The following THSD7B variants were observed in gnomAD, a reference collection of about 807,000 sequenced individuals.
THSD7B encodes the protein thrombospondin type-1 domain-containing protein 7B.
A neutral mutation model predicts 213.6 loss-of-function variants in THSD7B; 138 were observed. The observed-to-expected ratio is 0.65, with a 90% CI of 0.56 to 0.74. THSD7B has a LOEUF of 0.74. THSD7B is among the 30% of genes least tolerant of loss of function. The probability of loss-of-function intolerance (pLI) is 0.00; values close to 1 mark genes in which losing one functional copy is unlikely to be tolerated. For synonymous variants in THSD7B, 742 were observed against 687.0 expected, an observed-to-expected ratio of 1.08 and a Z score of -1.25; for missense variants, 1,931 against 1,991.5, an observed-to-expected ratio of 0.97 and a Z score of 0.58.
intron 9 of THSD7B, among the ~76,000 whole-genome samples, chr2:137,236,582 G>T (rs17418745): frequency 1.3e-5 from 2 of 152,024 alleles, no homozygotes; most frequent in African/African-American, 4.8e-5. Flanking sequence ...GCCTTTCAAA[G>T]TTCCTGATAA....
rs534194434 is a variant in THSD7B, at chr2:136,878,796, T to A, written c.-35-3348T>A. 7.1e-3 allele frequency among the ~76,000 whole-genome samples: 1,076 copies of A among 152,246 alleles called. 6 individuals carry two copies. Among genetic ancestry groups the A allele is most frequent in the Middle Eastern group, 0.024 (7 of 294 alleles). On this transcript the variant is annotated intron_variant, in intron 1 of 27. Coordinates refer to ENST00000409968, the MANE Select transcript of THSD7B (RefSeq NM_001316349.2). The stretch of plus-strand genomic sequence containing the variant: ...TTTTCTTGTAAATTTGTTTGAGTTC[T>A]TTGTAGATTCTGGATATTAGCCCTT...
chr2:136,986,298 A>C (rs990825379), intron 2 of THSD7B, among the ~76,000 whole-genome samples: 2 of 152,194 alleles, frequency 1.3e-5, no homozygotes, highest in African/African-American at 4.8e-5. Flanking sequence ...TGTCCCCTCC[A>C]AATCTCATGT....
chr2:137,254,282 T>G (rs1477658806), intron 10 of THSD7B, among the ~76,000 whole-genome samples: 1 of 152,242 alleles, frequency 6.6e-6, no homozygotes, highest in Non-Finnish European at 1.5e-5. Context: ...TTTGAAATCT[T>G]TCCAAGTTAG....
chr2:137,155,652 T>C (rs1274533148), intron 5 of THSD7B, among the ~76,000 whole-genome samples: 1 of 152,186 alleles, frequency 6.6e-6, no homozygotes, highest in Non-Finnish European at 1.5e-5. Flanking sequence ...TTAAAAAGTA[T>C]GATAGTCATT....
intron 7 of THSD7B, among the ~76,000 whole-genome samples, chr2:137,185,586 C>T (rs902547690): frequency 2.4e-4 from 37 of 152,084 alleles, no homozygotes; most frequent in African/African-American, 7.5e-4. Flanking sequence ...TCCTTTTATA[C>T]GGCTGCATAG....
chr2:136,974,764 G>A (rs998778726), intron 2 of THSD7B, among the ~76,000 whole-genome samples: 2 of 152,154 alleles, frequency 1.3e-5, no homozygotes, highest in Non-Finnish European at 2.9e-5. Context: ...AGGTCTTTGA[G>A]GAATCGCCAT....
chr2:136,943,033 C>T (rs910494511), intron 2 of THSD7B, among the ~76,000 whole-genome samples: 9 of 152,136 alleles, frequency 5.9e-5, no homozygotes, highest in African/African-American at 2.2e-4. Context: ...CCATCAATAC[C>T]TAGCTTATTG....
chr2:137,042,603 G>A (rs1034318893), intron 2 of THSD7B, among the ~76,000 whole-genome samples: 1 of 152,150 alleles, frequency 6.6e-6, no homozygotes, highest in Non-Finnish European at 1.5e-5. Context: ...ACTAAACTCA[G>A]AGGGTACAGT....
intron 7 of THSD7B, among the ~76,000 whole-genome samples, chr2:137,176,726 G>C (rs34736580): frequency 6.6e-6 from 1 of 152,114 alleles, no homozygotes; most frequent in Admixed American, 6.6e-5. Flanking sequence ...GCAACCCCAG[G>C]GAGCAGTCTT....
At chr2:136,828,893 A>C (rs931347262) in intron 1 of THSD7B, among the ~76,000 whole-genome samples, 1 of 152,178 alleles carries the variant, frequency 6.6e-6, no homozygotes, top group African/African-American at 2.4e-5. Context: ...GTCTTCTGCT[A>C]AACTGTAAGC....
intron 12 of THSD7B, among the ~76,000 whole-genome samples, chr2:137,303,741 T>C (rs1306223328): frequency 2.3e-5 from 3 of 129,760 alleles, no homozygotes; most frequent in African/African-American, 3.3e-5. Flanking sequence ...TATATATATT[T>C]ATATATATAT....
intron 14 of THSD7B, among the ~76,000 whole-genome samples, chr2:137,441,955 T>C (rs1558798348): frequency 6.6e-6 from 1 of 152,116 alleles, no homozygotes; most frequent in African/African-American, 2.4e-5. Context: ...TTAGTAGCAG[T>C]AAAATGTTAG....
At chr2:137,662,141 C>A (rs1399581707) in intron 25 of THSD7B, among the ~76,000 whole-genome samples, 1 of 149,400 alleles carries the variant, frequency 6.7e-6, no homozygotes. Flanking sequence ...TGGCTCACTG[C>A]AACCACCGCC....
intron 15 of THSD7B, among the ~76,000 whole-genome samples, chr2:137,496,477 TTG>T (rs1318623697): frequency 1.3e-5 from 2 of 152,172 alleles, no homozygotes; most frequent in Non-Finnish European, 2.9e-5. Context: ...CCTTTTTGTT[TTG>T]TGTGCATTTT....
intron 2 of THSD7B, among the ~76,000 whole-genome samples, chr2:137,024,175 C>A (rs1686500565): frequency 6.6e-6 from 1 of 152,164 alleles, no homozygotes; most frequent in Non-Finnish European, 1.5e-5. Context: ...TTCTGTTTCT[C>A]TGTAGGTAAC....
intron 15 of THSD7B, among the ~76,000 whole-genome samples, chr2:137,489,431 GAAAAAAAAGAAAA>G (rs1688556769): frequency 6.8e-6 from 1 of 146,014 alleles, no homozygotes; most frequent in Admixed American, 6.8e-5. Context: ...AAAAAAAAAA[GAAAAAAAAGAAAA>G]AAAAAATTAG....
At chr2:137,383,583 A>C (rs1685826707) in intron 12 of THSD7B, among the ~76,000 whole-genome samples, 1 of 152,202 alleles carries the variant, frequency 6.6e-6, no homozygotes, top group Non-Finnish European at 1.5e-5. Context: ...GTAACTCCAC[A>C]CATTATGTAA....
intron 2 of THSD7B, among the ~76,000 whole-genome samples, chr2:137,014,029 C>G (rs1413599627): frequency 1.3e-5 from 2 of 152,154 alleles, no homozygotes; most frequent in South Asian, 4.1e-4. Context: ...TGCTTCCATT[C>G]CCTTGGGAGA....
intron 12 of THSD7B, among the ~76,000 whole-genome samples, chr2:137,387,378 T>C (rs534712127): frequency 3.3e-5 from 5 of 152,338 alleles, no homozygotes; most frequent in Non-Finnish European, 4.4e-5. Flanking sequence ...GAGCTTAAGA[T>C]AGCTAAATTT....
Sources: allele counts gnomAD v4.1 joint callset (sites outside exome capture counted in the v4.1 genomes callset), GRCh38; gene constraint gnomAD v4.1.1; transcripts MANE v1.5; gene names NCBI Gene and HGNC (gene_info 2026-07-23, HGNC 2026-07-21).